The following MAGI2 variants were observed in gnomAD, a reference collection of about 807,000 sequenced individuals.
MAGI2 encodes membrane-associated guanylate kinase, WW and PDZ domain-containing protein 2.
MAGI2 carries 35 observed loss-of-function variants against 133.3 expected under a neutral mutation model. That is an observed-to-expected ratio of 0.26 (90% CI 0.20 to 0.35). The LOEUF is 0.35. Among genes scored for constraint, MAGI2 ranks in the 10% least tolerant of loss-of-function variants. MAGI2 has a pLI of 1.00. For missense variants in MAGI2, 1,636 were observed against 1,863.4 expected (o/e 0.88, Z 2.25); for synonymous variants, 729 against 710.6 (o/e 1.03, Z -0.41).
intron 3 of MAGI2, among the ~76,000 whole-genome samples, chr7:78,534,749 G>A (rs1331067837): frequency 6.6e-6 from 1 of 152,038 alleles, no homozygotes; most frequent in Non-Finnish European, 1.5e-5. Context: ...ATGTAGTCTG[G>A]TCATTTCCTG....
At chr7:78,624,563 G>T (rs577444611) in intron 3 of MAGI2, among the ~76,000 whole-genome samples, 1 of 152,206 alleles carries the variant, frequency 6.6e-6, no homozygotes, top group South Asian at 2.1e-4. Context: ...ACCCAACACT[G>T]CATGTTCTCA....
chr7:79,229,098 A>ATTT (rs1831130476), intron 1 of MAGI2, among the ~76,000 whole-genome samples: 1 of 147,890 alleles, frequency 6.8e-6, no homozygotes, highest in African/African-American at 2.5e-5. Flanking sequence ...TTTTTTTTTG[A>ATTT]GCCAAAAATA....
intron 6 of MAGI2, among the ~76,000 whole-genome samples, chr7:78,420,894 A>G (rs1481757423): frequency 6.6e-6 from 1 of 152,230 alleles, no homozygotes; most frequent in Admixed American, 6.5e-5. Flanking sequence ...ACTTTGAGGA[A>G]TAAAAAGGAT....
intron 2 of MAGI2, among the ~76,000 whole-genome samples, chr7:78,742,090 T>C (rs1241642989): frequency 6.6e-6 from 1 of 151,770 alleles, no homozygotes; most frequent in Non-Finnish European, 1.5e-5. Flanking sequence ...ATGTAGAAAA[T>C]TGGAACTTTT....
intron 1 of MAGI2, among the ~76,000 whole-genome samples, chr7:79,154,628 A>C (rs1823588740): frequency 6.6e-6 from 1 of 152,188 alleles, no homozygotes; most frequent in Non-Finnish European, 1.5e-5. Context: ...CATCATTTAC[A>C]TAGAAGAGTT....
At chr7:79,398,504 A>G (rs1845218600) in intron 1 of MAGI2, among the ~76,000 whole-genome samples, 1 of 152,212 alleles carries the variant, frequency 6.6e-6, no homozygotes, top group Non-Finnish European at 1.5e-5. Context: ...TTTCCTGGAT[A>G]AAAAGCAGCC....
intron 2 of MAGI2, among the ~76,000 whole-genome samples, chr7:78,963,820 G>A (rs1043686256): frequency 1.3e-5 from 2 of 151,602 alleles, no homozygotes; most frequent in Admixed American, 6.6e-5. Flanking sequence ...TCTGGTGTTG[G>A]CTCGGTTCCT....
chr7:79,107,157 C>T (rs768132088), intron 1 of MAGI2, among the ~76,000 whole-genome samples: 18 of 152,136 alleles, frequency 1.2e-4, no homozygotes, highest in Non-Finnish European at 2.5e-4. Context: ...AGTCTAACCA[C>T]ATGAATAAGT....
At chr7:78,937,018 A>T (rs1010865612) in intron 2 of MAGI2, among the ~76,000 whole-genome samples, 8 of 151,892 alleles carry the variant, frequency 5.3e-5, no homozygotes, top group Admixed American at 4.6e-4. Flanking sequence ...TCTAAATACC[A>T]CTCTCTAAGA....
At chr7:78,265,532 A>G (rs1793914030) in intron 9 of MAGI2, among the ~76,000 whole-genome samples, 1 of 152,232 alleles carries the variant, frequency 6.6e-6, no homozygotes, top group South Asian at 2.1e-4. Context: ...ATAGGTTACT[A>G]GAAAAGAACC....
At chr7:78,849,791 G>C (rs1399039106) in intron 2 of MAGI2, among the ~76,000 whole-genome samples, 1 of 151,976 alleles carries the variant, frequency 6.6e-6, no homozygotes, top group Non-Finnish European at 1.5e-5. Flanking sequence ...ATTTTGGGGA[G>C]TGGTATATAG....
chr7:78,877,516 G>A (rs976032988), intron 2 of MAGI2, among the ~76,000 whole-genome samples: 3 of 152,046 alleles, frequency 2.0e-5, no homozygotes, highest in African/African-American at 4.8e-5. Context: ...AATGGGCCTC[G>A]GCTATGGAGA....
At chr7:78,656,744 T>C (rs1057242852) in intron 2 of MAGI2, among the ~76,000 whole-genome samples, 1 of 152,166 alleles carries the variant, frequency 6.6e-6, no homozygotes, top group African/African-American at 2.4e-5. Context: ...CCTAAATATA[T>C]ACAATTAAAA....
rs994497049 is a variant in MAGI2 at position 78,143,334 on chromosome 7, G to A, written c.2846-8128C>T. On this transcript the variant is annotated intron_variant, in intron 16 of 21. Coordinates refer to ENST00000354212, the MANE Select transcript of MAGI2 (RefSeq NM_012301.4). The stretch of plus-strand genomic sequence containing the variant: ...CTTTTTAAGAAACAGTTGCAGGGTT[G>A]AGGTTTGGTATTATACTTCCATCCC... 2.0e-5 allele frequency among the ~76,000 whole-genome samples: 3 copies of A among 152,176 alleles called. No homozygotes were observed. The East Asian group carries it at 5.8e-4, about 29-fold the overall frequency.
At chr7:79,286,383 C>T (rs1370402832) in intron 1 of MAGI2, among the ~76,000 whole-genome samples, 1 of 152,006 alleles carries the variant, frequency 6.6e-6, no homozygotes, top group Admixed American at 6.6e-5. Flanking sequence ...TGACAAAGTG[C>T]CCAGGTTCAT....
At chr7:79,428,606 G>A (rs1472152212) in intron 1 of MAGI2, among the ~76,000 whole-genome samples, 3 of 152,104 alleles carry the variant, frequency 2.0e-5, no homozygotes, top group Non-Finnish European at 4.4e-5. Flanking sequence ...GTGATGAAAT[G>A]TAAAAATATT....
intron 1 of MAGI2, among the ~76,000 whole-genome samples, chr7:79,110,039 C>T (rs938667030): frequency 1.6e-4 from 25 of 152,228 alleles, no homozygotes; most frequent in African/African-American, 5.1e-4. Context: ...CAGCTTAGGC[C>T]GCTGCTTCAG....
chr7:78,458,219 T>C (rs1294945523), intron 6 of MAGI2, among the ~76,000 whole-genome samples: 1 of 148,450 alleles, frequency 6.7e-6, no homozygotes, highest in East Asian at 2.0e-4. Flanking sequence ...TCACTTGAAC[T>C]AGGCAGTCGG....
chr7:79,383,469 A>G (rs1339178228), intron 1 of MAGI2, among the ~76,000 whole-genome samples: 1 of 151,574 alleles, frequency 6.6e-6, no homozygotes, highest in Non-Finnish European at 1.5e-5. Flanking sequence ...ATGGATAAGG[A>G]CAAAAATACT....
Sources: gnomAD v4.1 joint callset for allele counts (sites outside exome capture counted in the v4.1 genomes callset) on GRCh38, gnomAD v4.1.1 for gene constraint, MANE v1.5 for transcripts, NCBI Gene and HGNC (gene_info 2026-07-23, HGNC 2026-07-21) for gene names.